The following TRMT11 variants were observed in gnomAD, a reference collection of about 807,000 sequenced individuals.
TRMT11 encodes tRNA (guanine(10)-N(2))-methyltransferase TRMT11.
A neutral mutation model predicts 62.8 loss-of-function variants in TRMT11; 53 were observed. The ratio of observed to expected loss-of-function variants is 0.84; its 90% CI spans 0.68 to 1.06. The LOEUF (loss-of-function observed/expected upper bound fraction) is 1.06. Among genes scored for constraint, TRMT11 ranks in the 50% least tolerant of loss-of-function variants. The pLI is 0.00. For synonymous variants in TRMT11, 188 were observed against 190.3 expected (o/e 0.99, Z 0.10); for missense variants, 556 against 553.4 (o/e 1.00, Z -0.05).
At chr6:126,098,575 A>G (rs868158899) in intron 17 of TRMT11, among the ~76,000 whole-genome samples, 25 of 152,168 alleles carry the variant, frequency 1.6e-4, no homozygotes, top group African/African-American at 4.8e-4. Flanking sequence ...CCCAGCAGCA[A>G]TTCTCTGTCT....
chr6:126,045,031 C>T (rs1217149043), intron 16 of TRMT11, among the ~76,000 whole-genome samples: 1 of 151,974 alleles, frequency 6.6e-6, no homozygotes, highest in Non-Finnish European at 1.5e-5. Context: ...ACTAAAAATA[C>T]AAAAATTACC....
At chr6:126,238,923 G>A in the TRMT11 span, among the ~76,000 whole-genome samples, 1 of 152,162 alleles carries the variant, frequency 6.6e-6, no homozygotes, top group African/African-American at 2.4e-5. Flanking sequence ...ATTTAGGATA[G>A]TTAGTTCTTC....
intron 3 of TRMT11, among the ~76,000 whole-genome samples, chr6:126,200,745 G>A (rs1282585246): frequency 6.6e-6 from 1 of 152,084 alleles, no homozygotes; most frequent in Admixed American, 6.6e-5. Flanking sequence ...AGTAGAGACA[G>A]GTTTTCACCG....
At chr6:126,103,388 A>G (rs1201574671) in intron 17 of TRMT11, among the ~76,000 whole-genome samples, 1 of 152,232 alleles carries the variant, frequency 6.6e-6, no homozygotes, top group Non-Finnish European at 1.5e-5. Context: ...TGTATAGGTT[A>G]TATATTGCTG....
At chr6:126,171,749 G>T (rs146667951) in intron 21 of TRMT11, among the ~76,000 whole-genome samples, 35 of 152,004 alleles carry the variant, frequency 2.3e-4, no homozygotes, top group Non-Finnish European at 4.6e-4. Context: ...AGAGAGTTTC[G>T]CTCTTGTCGC....
At chr6:126,015,449 TGA>T (rs1236286709) in intron 11 of TRMT11, among the ~76,000 whole-genome samples, 7 of 152,148 alleles carry the variant, frequency 4.6e-5, no homozygotes, top group African/African-American at 1.7e-4. Flanking sequence ...AGGATGATCT[TGA>T]TCTCCTCACC....
chr6:126,031,930 A>G (rs1390778831), intron 12 of TRMT11, among the ~76,000 whole-genome samples: 2 of 152,110 alleles, frequency 1.3e-5, no homozygotes, highest in Non-Finnish European at 2.9e-5. Context: ...GCTATAAACC[A>G]AGGAAGCTAG....
At chr6:126,044,268 C>T (rs561482276), downstream of TRMT11, among the ~76,000 whole-genome samples, 52 of 152,288 alleles carry the variant, frequency 3.4e-4, no homozygotes, top group African/African-American at 7.2e-4. Context: ...CAGCTTTCTC[C>T]GTATGGCTAG....
Position 126,078,814 on chromosome 6 carries a change from G to A in TRMT11, c.*1437+25624G>A, listed in dbSNP as rs572244545. ...ACTCTGGACAGTGTATGATGGCCACGTCACACTTTTGTAGGAAGAACTCAT... is the reference window on the plus strand; with the variant it reads ...ACTCTGGACAGTGTATGATGGCCACATCACACTTTTGTAGGAAGAACTCAT... On this transcript the variant is annotated intron_variant and NMD_transcript_variant, in intron 17 of 22. Transcript: ENST00000648977. Among the ~76,000 whole-genome samples the A allele has an allele frequency of 3.3e-5, 5 of 152,274 alleles. No individual in the cohort carries two copies. The South Asian group carries it at 6.2e-4, about 19-fold the overall frequency.
chr6:126,081,795 C>T (rs536657193), intron 17 of TRMT11, among the ~76,000 whole-genome samples: 2 of 152,190 alleles, frequency 1.3e-5, no homozygotes, highest in East Asian at 3.9e-4. Flanking sequence ...GACTGCTGCC[C>T]TAACACCTGG....
chr6:126,228,340 C>A, the TRMT11 span, among the ~76,000 whole-genome samples: 2 of 152,264 alleles, frequency 1.3e-5, no homozygotes, highest in South Asian at 4.1e-4. Context: ...CTGCTTTCTG[C>A]CAGCACGAGC....
the TRMT11 span, among the ~76,000 whole-genome samples, chr6:126,240,443 T>A: frequency 1.3e-5 from 2 of 152,248 alleles, no homozygotes; most frequent in African/African-American, 4.8e-5. Context: ...GACCCTCAGC[T>A]GGAGGTCTCT....
the TRMT11 span, among the ~76,000 whole-genome samples, chr6:126,223,890 T>G: frequency 6.6e-6 from 1 of 152,190 alleles, no homozygotes; most frequent in African/African-American, 2.4e-5. Context: ...TCAAAGAATC[T>G]ATCTTTGAGA....
At chr6:126,119,837 C>T (rs186474332) in intron 21 of TRMT11, among the ~76,000 whole-genome samples, 40 of 152,146 alleles carry the variant, frequency 2.6e-4, no homozygotes, top group Non-Finnish European at 2.9e-5. Flanking sequence ...GGACTCTATC[C>T]TAAGAAAAAC....
chr6:126,207,267 T>G (rs1432578253), downstream of TRMT11, among the ~76,000 whole-genome samples: 1 of 152,058 alleles, frequency 6.6e-6, no homozygotes, highest in Non-Finnish European at 1.5e-5. Context: ...ATTGTTTTGT[T>G]TGGAGGTGAA....
At chr6:126,218,345 A>G in the TRMT11 span, among the ~76,000 whole-genome samples, 1 of 152,326 alleles carries the variant, frequency 6.6e-6, no homozygotes, top group Non-Finnish European at 1.5e-5. Context: ...TGAAGCCAGC[A>G]TGTCTCAGAG....
intron 21 of TRMT11, among the ~76,000 whole-genome samples, chr6:126,136,396 G>C (rs1038016130): frequency 6.6e-6 from 1 of 151,378 alleles, no homozygotes; most frequent in Non-Finnish European, 1.5e-5. Context: ...AAGTAATCAA[G>C]AAAACAATTT....
intron 8 of TRMT11, among the ~76,000 whole-genome samples, chr6:126,009,745 T>C (rs188937672): frequency 2.7e-3 from 415 of 152,154 alleles, no homozygotes; most frequent in African/African-American, 9.3e-3. Flanking sequence ...TTATCTGAAA[T>C]CTGTTTTAAA....
At chr6:126,065,920 G>A (rs540487464) in intron 17 of TRMT11, among the ~76,000 whole-genome samples, 43 of 152,282 alleles carry the variant, frequency 2.8e-4, no homozygotes, top group African/African-American at 8.7e-4. Context: ...TAAAAGGACC[G>A]TTGCTGAGAC....
Sources: gnomAD v4.1 joint callset for allele counts (sites outside exome capture counted in the v4.1 genomes callset) on GRCh38, gnomAD v4.1.1 for gene constraint, MANE v1.5 for transcripts, NCBI Gene and HGNC (gene_info 2026-07-23, HGNC 2026-07-21) for gene names.